Variants in GRIA4 observed in about 807,000 individuals in gnomAD.
The protein encoded by GRIA4 is glutamate ionotropic receptor AMPA type subunit 4, also known as glutamate receptor 4.
A neutral mutation model predicts 104.0 loss-of-function variants in GRIA4; 34 were observed. The observed-to-expected ratio is 0.33, with a 90% CI of 0.25 to 0.44. GRIA4 has a LOEUF of 0.44. Among genes scored for constraint, GRIA4 ranks in the 20% least tolerant of loss-of-function variants. GRIA4 has a pLI of 1.00. For missense variants in GRIA4, 750 were observed against 1,096.5 expected (o/e 0.68, Z 4.46); for synonymous variants, 386 against 381.9 (o/e 1.01, Z -0.13).
chr11:105,657,184 T>C (rs543422004), intron 3 of GRIA4, among the ~76,000 whole-genome samples: 9 of 152,104 alleles, frequency 5.9e-5, no homozygotes, highest in Middle Eastern at 3.4e-3. Context: ...AATGAACAAG[T>C]CTACACTAAG....
chr11:105,742,881 C>T (rs942396452), intron 3 of GRIA4, among the ~76,000 whole-genome samples: 20 of 152,116 alleles, frequency 1.3e-4, no homozygotes, highest in African/African-American at 3.4e-4. Context: ...GGATCACAGG[C>T]GCCTGCTGCC....
intron 5 of GRIA4, among the ~76,000 whole-genome samples, chr11:105,866,628 G>A (rs1003929337): frequency 7.7e-5 from 11 of 143,074 alleles, no homozygotes; most frequent in African/African-American, 1.0e-4. Context: ...AAGCAAAACC[G>A]ATACATTTTC....
At chr11:105,888,304 G>A (rs1283970471) in intron 6 of GRIA4, among the ~76,000 whole-genome samples, 2 of 8,400 alleles carry the variant, frequency 2.4e-4, no homozygotes, top group Non-Finnish European at 5.8e-4. Flanking sequence ...TTTTTTTTGA[G>A]ACGGAGTCTC....
At chr11:105,957,387 T>C (rs1054030968) in intron 14 of GRIA4, among the ~76,000 whole-genome samples, 9 of 152,360 alleles carry the variant, frequency 5.9e-5, no homozygotes, top group African/African-American at 1.9e-4. Flanking sequence ...CCATTGCTTG[T>C]TTTTGTCAGG....
chr11:105,931,133 A>G (rs2136206581), intron 13 of GRIA4, among the ~76,000 whole-genome samples: 1 of 152,256 alleles, frequency 6.6e-6, no homozygotes, highest in Admixed American at 6.5e-5. Flanking sequence ...GCATGGCAAC[A>G]TGGCATTCCT....
chr11:105,974,464 C>A lies in GRIA4; in HGVS notation c.2544+20C>A. 6.2e-7 allele frequency: 1 copy of A among 1,613,878 alleles called. No individual in the cohort carries two copies. The highest frequency in any genetic ancestry group is 2.2e-5 in the East Asian group (1 of 44,868). On this transcript the variant is annotated intron_variant, in intron 16 of 16. Coordinates refer to ENST00000282499, the MANE Select transcript of GRIA4 (RefSeq NM_000829.4). The stretch of plus-strand genomic sequence containing the variant: ...ATGAAGGTGGCAAAGAGTGCACAGA[C>A]TTTTAACCCAACTTCCTCGCAGAAT...
chr11:105,617,108 AAT>A (rs35445943), intron 3 of GRIA4, among the ~76,000 whole-genome samples: 2 of 148,760 alleles, frequency 1.3e-5, no homozygotes. Context: ...GGCATTGGGA[AAT>A]ATATATATAT....
At chr11:105,746,570 T>C (rs1323068556) in intron 3 of GRIA4, among the ~76,000 whole-genome samples, 3 of 152,064 alleles carry the variant, frequency 2.0e-5, no homozygotes, top group Non-Finnish European at 4.4e-5. Flanking sequence ...TTAAGGGTTA[T>C]GCCAAACACA....
At chr11:105,817,214 T>A (rs1943413701) in intron 4 of GRIA4, among the ~76,000 whole-genome samples, 1 of 151,722 alleles carries the variant, frequency 6.6e-6, no homozygotes, top group African/African-American at 2.4e-5. Context: ...TTAAATGAAA[T>A]GTTGGTAAAT....
rs564618317 is a variant in GRIA4 at position 105,920,823 on chromosome 11, A to G, written c.1476+1905A>G. On this transcript the variant is annotated intron_variant, in intron 11 of 16. Transcript: ENST00000282499. ...CCAATCTCTGATGCTTGAGTTGTCC[A>G]CTCTTTTCCCAAAAGGAATCTTCTT... Among the ~76,000 whole-genome samples, 12 of 151,786 alleles carry G rather than the reference A, an allele frequency of 7.9e-5. No individual in the cohort carries two copies. The South Asian group carries it at 2.5e-3, about 32-fold the overall frequency.
intron 4 of GRIA4, among the ~76,000 whole-genome samples, chr11:105,814,995 T>G (rs1943321082): frequency 6.6e-6 from 1 of 152,070 alleles, no homozygotes; most frequent in Non-Finnish European, 1.5e-5. Flanking sequence ...CCAGTCAGGG[T>G]CTATCCATGG....
intron 14 of GRIA4, among the ~76,000 whole-genome samples, chr11:105,944,784 C>T (rs1948266964): frequency 1.3e-5 from 2 of 151,960 alleles, no homozygotes; most frequent in Admixed American, 6.6e-5. Flanking sequence ...AGCCCATGAG[C>T]CTCTCACTAT....
chr11:105,724,120 A>C (rs1449470864), intron 3 of GRIA4, among the ~76,000 whole-genome samples: 1 of 152,060 alleles, frequency 6.6e-6, no homozygotes, highest in African/African-American at 2.4e-5. Context: ...CCAAAGAACT[A>C]AAACCAGAAC....
At chr11:105,831,229 T>C (rs1456312089) in intron 4 of GRIA4, among the ~76,000 whole-genome samples, 1 of 151,978 alleles carries the variant, frequency 6.6e-6, no homozygotes, top group East Asian at 1.9e-4. Flanking sequence ...TAACCAATAT[T>C]CCTTTTTTCT....
intron 3 of GRIA4, among the ~76,000 whole-genome samples, chr11:105,704,773 G>A (rs551406547): frequency 1.3e-5 from 2 of 152,002 alleles, no homozygotes; most frequent in Non-Finnish European, 1.5e-5. Context: ...AAGTAGACTC[G>A]AATAAGTGAG....
chr11:105,919,439 T>A (rs1947498183), intron 11 of GRIA4, among the ~76,000 whole-genome samples: 1 of 152,164 alleles, frequency 6.6e-6, no homozygotes, highest in Non-Finnish European at 1.5e-5. Flanking sequence ...TTCTCACAAT[T>A]CTGCTGAACA....
Position 105,818,784 on chromosome 11 carries a change from A to G in GRIA4, c.488-43240A>G, listed in dbSNP as rs568646954. On this transcript the variant is annotated intron_variant, in intron 4 of 16. Coordinates refer to ENST00000282499, the MANE Select transcript of GRIA4 (RefSeq NM_000829.4). ...GAAGGGCTTGAGCTAATAGCCAGAT[A>G]TAAGTAACCTTTACTCCATGATGCT... Among the ~76,000 whole-genome samples, 10 of 152,302 alleles carry G rather than the reference A, an allele frequency of 6.6e-5. No individual in the cohort carries two copies. The East Asian group carries it at 1.9e-3, about 29-fold the overall frequency.
intron 4 of GRIA4, among the ~76,000 whole-genome samples, chr11:105,842,235 T>TAGAGAGAGA (rs1271333146): frequency 1.3e-5 from 2 of 152,112 alleles, no homozygotes; most frequent in African/African-American, 4.8e-5. Flanking sequence ...AGGCGAAGGG[T>TAGAGAGAGA]GTCCAAGAAG....
chr11:105,935,416 A>C (rs992782761), intron 14 of GRIA4, among the ~76,000 whole-genome samples: 1 of 152,190 alleles, frequency 6.6e-6, no homozygotes, highest in Non-Finnish European at 1.5e-5. Flanking sequence ...ACCCAAAAAC[A>C]ATTTCAACTA....
Sources: allele counts gnomAD v4.1 joint callset (sites outside exome capture counted in the v4.1 genomes callset), GRCh38; gene constraint gnomAD v4.1.1; transcripts MANE v1.5; gene names NCBI Gene and HGNC (gene_info 2026-07-23, HGNC 2026-07-21).